Variants in TTC8 observed in about 807,000 individuals in gnomAD.
TTC8 encodes tetratricopeptide repeat domain 8, also known as tetratricopeptide repeat protein 8.
In TTC8, 47 loss-of-function variants were observed where a neutral mutation model predicts 72.5. The ratio of observed to expected loss-of-function variants is 0.65; its 90% CI spans 0.51 to 0.83. The LOEUF is 0.83. Among genes scored for constraint, TTC8 ranks in the 40% least tolerant of loss-of-function variants. The probability of loss-of-function intolerance (pLI) is 0.00; values close to 1 mark genes in which losing one functional copy is unlikely to be tolerated. For synonymous variants in TTC8, 199 were observed against 221.4 expected, an observed-to-expected ratio of 0.90 and a Z score of 0.90; for missense variants, 611 against 623.2, an observed-to-expected ratio of 0.98 and a Z score of 0.21.
At chr14:88,837,767 G>A (rs1003135235) in intron 2 of TTC8, among the ~76,000 whole-genome samples, 1 of 152,170 alleles carries the variant, frequency 6.6e-6, no homozygotes, top group Non-Finnish European at 1.5e-5. Flanking sequence ...CGATCCCTGG[G>A]AACAGTTGTA....
At chr14:88,878,635 TGTTA>T (rs1400965400), downstream of TTC8, 2 of 152,216 alleles carry the variant, frequency 1.3e-5, no homozygotes, top group Non-Finnish European at 2.9e-5. Flanking sequence ...CTCTGTGATG[TGTTA>T]GTGTTTATTT....
chr14:88,826,829 A>G (rs1188481738), intron 1 of TTC8, among the ~76,000 whole-genome samples: 4 of 152,204 alleles, frequency 2.6e-5, no homozygotes, highest in Non-Finnish European at 5.9e-5. Context: ...GTTCCACGAA[A>G]CAGTAGTCCC....
At chr14:88,857,831 T>C (rs2094864137) in intron 9 of TTC8, among the ~76,000 whole-genome samples, 1 of 152,136 alleles carries the variant, frequency 6.6e-6, no homozygotes, top group Admixed American at 6.6e-5. Flanking sequence ...AGGGGTAAGT[T>C]TTTCAGGGTC....
chr14:88,833,521 T>C (rs1212963173), intron 1 of TTC8, among the ~76,000 whole-genome samples, 172 bp from the exon 2 acceptor site: 1 of 152,246 alleles, frequency 6.6e-6, no homozygotes, highest in Non-Finnish European at 1.5e-5. Context: ...TCAATGTATA[T>C]TCATTTTACA....
intron 9 of TTC8, among the ~76,000 whole-genome samples, chr14:88,859,313 A>C (rs1324531755): frequency 6.6e-6 from 1 of 152,188 alleles, no homozygotes; most frequent in Non-Finnish European, 1.5e-5. Flanking sequence ...TGGTACATAT[A>C]CACTATGGAA....
At position 88,856,845 on chromosome 14, in the gene TTC8, C is replaced by CT. The variant is rs79794467; in HGVS notation, c.711-344dup. Among the ~76,000 whole-genome samples, 965 of 152,292 alleles carry CT rather than the reference C, an allele frequency of 6.3e-3. 20 individuals are homozygous for CT. In the South Asian group the frequency reaches 0.075, roughly 12 times the overall value. Reference sequence around the variant, plus strand: ...CAGCTCTTCCAGTAATATGGAGACTCTAAGCATTTATTCAGGTCACTTGCC... The same window carrying CT: ...CAGCTCTTCCAGTAATATGGAGACTCTTAAGCATTTATTCAGGTCACTTGCC... On this transcript the variant is annotated intron_variant, in intron 8 of 14. Transcript: ENST00000380656.
chr14:88,877,219 C>A, intron 14 of TTC8, 75 bp from the exon 15 acceptor site: 1 of 1,097,886 alleles, frequency 9.1e-7, no homozygotes, highest in Non-Finnish European at 1.4e-6. Flanking sequence ...GATACTATGT[C>A]TTATTTTCTT....
intron 1 of TTC8, among the ~76,000 whole-genome samples, chr14:88,831,851 C>T (rs2140958336): frequency 6.6e-6 from 1 of 152,180 alleles, no homozygotes; most frequent in Non-Finnish European, 1.5e-5. Flanking sequence ...GAATAATCTC[C>T]CCCTTCTCTG....
intron 10 of TTC8, among the ~76,000 whole-genome samples, chr14:88,863,730 A>G (rs2094898275): frequency 6.6e-6 from 1 of 152,222 alleles, no homozygotes; most frequent in South Asian, 2.1e-4. Context: ...ATGCAGGTGT[A>G]TTCCTACGTA....
chr14:88,867,274 CAT>C (rs912176047), intron 10 of TTC8, among the ~76,000 whole-genome samples: 2 of 152,022 alleles, frequency 1.3e-5, no homozygotes, highest in South Asian at 2.1e-4. Context: ...AAAAAGGAAA[CAT>C]ATGCTTGAAC....
chr14:88,844,551 TC>T (rs1340469898), intron 7 of TTC8, among the ~76,000 whole-genome samples: 1 of 151,970 alleles, frequency 6.6e-6, no homozygotes, highest in Admixed American at 6.6e-5. Flanking sequence ...CTTTTTTTCT[TC>T]TTTTTTTTTT....
intron 1 of TTC8, among the ~76,000 whole-genome samples, chr14:88,827,108 A>G (rs970277195): frequency 2.6e-5 from 4 of 152,054 alleles, no homozygotes; most frequent in Non-Finnish European, 5.9e-5. Context: ...AATGTAGGCA[A>G]AGCAGCAATA....
At chr14:88,870,231 T>G in intron 11 of TTC8, 33 bp downstream of exon 11, 1 of 1,607,034 alleles carries the variant, frequency 6.2e-7, no homozygotes, top group South Asian at 1.1e-5. Flanking sequence ...AGAACCACTT[T>G]CCTGTGAAAT....
chr14:88,870,006 AT>A, intron 10 of TTC8, 52 bp from the exon 11 acceptor site: 2 of 1,592,312 alleles, frequency 1.3e-6, no homozygotes, highest in Admixed American at 1.7e-5. Flanking sequence ...GAAAAAAATA[AT>A]TTTTTGTCCA....
At chr14:88,867,964 G>A (rs892255502) in intron 10 of TTC8, among the ~76,000 whole-genome samples, 5 of 152,208 alleles carry the variant, frequency 3.3e-5, no homozygotes, top group Non-Finnish European at 7.3e-5. Context: ...TGAATGTTTT[G>A]TTAGGGTTTT....
At position 88,832,090 on chromosome 14, in the gene TTC8, C is replaced by T. The variant is rs140912467; in HGVS notation, c.115-1603C>T. 4.7e-4 allele frequency among the ~76,000 whole-genome samples: 72 copies of T among 152,140 alleles called. 1 individual carries two copies. The highest frequency in any genetic ancestry group is 1.7e-3 in the African/African-American group (72 of 41,506). ...TCTCTGCACCTCCCTACTCATTAGG[C>T]CTCTCATTTTCTCTTCTGACCTGCA... On this transcript the variant is annotated intron_variant, in intron 1 of 14. Coordinates refer to ENST00000380656, the MANE Select transcript of TTC8 (RefSeq NM_144596.4).
intron 14 of TTC8, among the ~76,000 whole-genome samples, 172 bp from the exon 15 acceptor site, chr14:88,877,122 G>A (rs2094960377): frequency 6.6e-6 from 1 of 151,642 alleles, no homozygotes; most frequent in African/African-American, 2.4e-5. Flanking sequence ...TAAGCAATTT[G>A]CCTTTAAGAA....
intron 10 of TTC8, among the ~76,000 whole-genome samples, chr14:88,861,598 T>C (rs1841173133): frequency 6.6e-6 from 1 of 152,188 alleles, no homozygotes; most frequent in Admixed American, 6.6e-5. Flanking sequence ...TATGTCTAAA[T>C]ATTTTTGTAC....
chr14:88,859,424 C>T (rs2094873169), intron 9 of TTC8, among the ~76,000 whole-genome samples: 1 of 152,024 alleles, frequency 6.6e-6, no homozygotes, highest in African/African-American at 2.4e-5. Context: ...GAACAGAAAA[C>T]CACATACCTC....
Sources: gnomAD v4.1 joint callset for allele counts (sites outside exome capture counted in the v4.1 genomes callset) on GRCh38, gnomAD v4.1.1 for gene constraint, MANE v1.5 for transcripts, NCBI Gene and HGNC (gene_info 2026-07-23, HGNC 2026-07-21) for gene names.